Variants in RASGRF2 observed in about 807,000 individuals in gnomAD.
RASGRF2 encodes the protein ras-specific guanine nucleotide-releasing factor 2.
A neutral mutation model predicts 151.0 loss-of-function variants in RASGRF2; 76 were observed. The ratio of observed to expected loss-of-function variants is 0.50; its 90% CI spans 0.42 to 0.61. The LOEUF (loss-of-function observed/expected upper bound fraction) is 0.61, where lower values mean the gene tolerates loss of function less well. Ranked by LOEUF, RASGRF2 falls within the 20% of genes least tolerant of loss-of-function variation. The pLI, the probability that RASGRF2 is intolerant of heterozygous loss-of-function variation, is 0.00. For synonymous variants in RASGRF2, 504 were observed against 566.5 expected (o/e 0.89, Z 1.57); for missense variants, 1,148 against 1,564.6 (o/e 0.73, Z 4.49).
chr5:81,000,265 G>A (rs1195633124), intron 1 of RASGRF2, among the ~76,000 whole-genome samples: 1 of 152,216 alleles, frequency 6.6e-6, no homozygotes, highest in Non-Finnish European at 1.5e-5. Flanking sequence ...GTCTGCAACA[G>A]GGTTTCGCTC....
At chr5:81,030,828 A>C (rs1271486327) in intron 1 of RASGRF2, among the ~76,000 whole-genome samples, 2 of 152,234 alleles carry the variant, frequency 1.3e-5, no homozygotes, top group African/African-American at 2.4e-5. Flanking sequence ...AATGGGCTAA[A>C]TGCTCCAATT....
At chr5:80,987,907 A>G (rs1381574738) in intron 1 of RASGRF2, among the ~76,000 whole-genome samples, 2 of 151,902 alleles carry the variant, frequency 1.3e-5, no homozygotes, top group African/African-American at 4.8e-5. Context: ...CTACTTAGAG[A>G]TCACCTCCAC....
At chr5:81,095,482 G>GA (rs34199823) in intron 12 of RASGRF2, among the ~76,000 whole-genome samples, 36,964 of 151,984 alleles carry the variant, frequency 0.24, 4,643 homozygotes, top group Admixed American at 0.3. Context: ...AAAAATTAGG[G>GA]ACAGAATTTT....
chr5:81,169,513 C>T (rs1489902612), intron 17 of RASGRF2, among the ~76,000 whole-genome samples: 2 of 152,172 alleles, frequency 1.3e-5, no homozygotes, highest in Admixed American at 6.5e-5. Context: ...ATATCTGCCT[C>T]TTTCATCACA....
At chr5:81,208,675 C>T (rs1755567295) in intron 22 of RASGRF2, among the ~76,000 whole-genome samples, 1 of 75,612 alleles carries the variant, frequency 1.3e-5, no homozygotes, top group South Asian at 3.8e-4. Context: ...CCTCAGCCTC[C>T]CGAGTAGCTG....
At chr5:81,059,180 C>A (rs1000671490) in intron 2 of RASGRF2, among the ~76,000 whole-genome samples, 2 of 150,406 alleles carry the variant, frequency 1.3e-5, no homozygotes, top group African/African-American at 4.9e-5. Flanking sequence ...TCAGGAGATC[C>A]AGACCATCCT....
intron 1 of RASGRF2, among the ~76,000 whole-genome samples, chr5:80,996,517 CT>C (rs1748877594): frequency 6.3e-5 from 2 of 31,596 alleles, no homozygotes; most frequent in African/African-American, 1.3e-4. Context: ...CCTCCTCCTC[CT>C]CCCCCTCCTC....
intron 16 of RASGRF2, among the ~76,000 whole-genome samples, chr5:81,126,679 G>A (rs1351429373): frequency 6.6e-6 from 1 of 152,116 alleles, no homozygotes; most frequent in Non-Finnish European, 1.5e-5. Context: ...TTTGTGATTG[G>A]CTCCTTCTTT....
intron 1 of RASGRF2, among the ~76,000 whole-genome samples, chr5:80,996,505 C>CTTCTTCTTCTTCTTCTTCCTCCTCTTCT (rs56082157): frequency 2.1e-5 from 1 of 47,764 alleles, no homozygotes; most frequent in African/African-American, 9.8e-5. Flanking sequence ...CTTCTTCTTC[C>CTTCTTCTTCTTCTTCTTCCTCCTCTTCT]TCCTCCTCCT....
chr5:81,185,763 C>T, intron 18 of RASGRF2, among the ~76,000 whole-genome samples: 1 of 152,186 alleles, frequency 6.6e-6, no homozygotes, highest in African/African-American at 2.4e-5. Flanking sequence ...GCCTCCTGTG[C>T]AGGCCACTAG....
At chr5:81,138,601 G>A (rs1580351689) in intron 17 of RASGRF2, among the ~76,000 whole-genome samples, 1 of 152,186 alleles carries the variant, frequency 6.6e-6, no homozygotes, top group East Asian at 1.9e-4. Context: ...CAAATATGTG[G>A]CCGCCCTCCT....
At chr5:81,070,315 A>G (rs1751733851) in intron 3 of RASGRF2, 177 bp from the exon 4 acceptor site, 1 of 567,500 alleles carries the variant, frequency 1.8e-6, no homozygotes, top group South Asian at 2.0e-5. Context: ...TGGTGATACC[A>G]TGCTTGGGGT....
chr5:81,202,115 G>A (rs531581313), intron 19 of RASGRF2, among the ~76,000 whole-genome samples: 3 of 152,240 alleles, frequency 2.0e-5, no homozygotes, highest in African/African-American at 7.2e-5. Flanking sequence ...TCTTGAACTG[G>A]TGGGTGGATT....
chr5:81,012,499 G>T (rs771382247), intron 1 of RASGRF2, among the ~76,000 whole-genome samples: 2 of 152,110 alleles, frequency 1.3e-5, no homozygotes, highest in Non-Finnish European at 2.9e-5. Context: ...CTCCCCAGCC[G>T]TAGCGTGTGG....
At chr5:81,049,029 C>G (rs998540160) in intron 2 of RASGRF2, among the ~76,000 whole-genome samples, 6 of 152,060 alleles carry the variant, frequency 3.9e-5, no homozygotes, top group Admixed American at 2.0e-4. Context: ...TGTCCCTACT[C>G]TACTATAACT....
At chr5:81,190,020 T>C (rs1320125790) in intron 18 of RASGRF2, among the ~76,000 whole-genome samples, 2 of 152,178 alleles carry the variant, frequency 1.3e-5, no homozygotes, top group Non-Finnish European at 2.9e-5. Context: ...CACACTTTTA[T>C]GTCAGTCTCA....
chr5:81,058,484 AG>A, intron 2 of RASGRF2, among the ~76,000 whole-genome samples: 1 of 152,354 alleles, frequency 6.6e-6, no homozygotes, highest in African/African-American at 2.4e-5. Flanking sequence ...ATGTAAAGAA[AG>A]TTTTGTGATG....
chr5:81,096,189 C>G (rs1400885040), intron 12 of RASGRF2: 1 of 152,168 alleles, frequency 6.6e-6, no homozygotes, highest in Non-Finnish European at 1.5e-5. Flanking sequence ...GAAGCCATTT[C>G]TTTTCTGCCT....
intron 2 of RASGRF2, among the ~76,000 whole-genome samples, chr5:81,061,881 G>T (rs1398425760): frequency 2.0e-5 from 3 of 150,046 alleles, no homozygotes; most frequent in Non-Finnish European, 4.4e-5. Context: ...TAGAGATGGG[G>T]TTTCACCATG....
Sources: gnomAD v4.1 joint callset for allele counts (sites outside exome capture counted in the v4.1 genomes callset) on GRCh38, gnomAD v4.1.1 for gene constraint, MANE v1.5 for transcripts, NCBI Gene and HGNC (gene_info 2026-07-23, HGNC 2026-07-21) for gene names.